The following CLOCK variants were observed in gnomAD, a reference collection of about 807,000 sequenced individuals.
CLOCK encodes clock circadian regulator.
In CLOCK, 43 loss-of-function variants were observed where a neutral mutation model predicts 118.4. That is an observed-to-expected ratio of 0.36 (90% CI 0.28 to 0.47). CLOCK has a LOEUF of 0.47. Ranked by LOEUF, CLOCK falls within the 20% of genes least tolerant of loss-of-function variation. CLOCK has a pLI of 1.00. For synonymous variants in CLOCK, 326 were observed against 339.2 expected (o/e 0.96, Z 0.43); for missense variants, 846 against 999.9 (o/e 0.85, Z 2.08).
At chr4:55,544,747 C>T (rs1731496822) in intron 1 of CLOCK, among the ~76,000 whole-genome samples, 1 of 152,150 alleles carries the variant, frequency 6.6e-6, no homozygotes, top group Non-Finnish European at 1.5e-5. Flanking sequence ...AACATGAAGA[C>T]ATACACATAA....
At chr4:55,454,249 G>A (rs779700619) in intron 13 of CLOCK, among the ~76,000 whole-genome samples, 20 of 152,156 alleles carry the variant, frequency 1.3e-4, no homozygotes, top group African/African-American at 4.8e-4. Flanking sequence ...TGAAGTAACT[G>A]AGTGCAGTAA....
At position 55,433,252 on chromosome 4, in the gene CLOCK, A is replaced by C. The variant is rs1722639754; in HGVS notation, c.*2163T>G. The C allele has an allele frequency of 6.6e-6, 1 of 152,632 alleles. No homozygotes were observed. The highest frequency in any genetic ancestry group is 1.5e-5 in the Non-Finnish European group (1 of 68,052). The allele number at this position is 152,632 out of a possible 1,614,324, so 9.5% of individuals were successfully genotyped here. The stretch of plus-strand genomic sequence containing the variant: ...TCTTGATATTCATGGGAATGTGGGA[A>C]ATCTCTACTGGATGGTCATTTAGCT... On this transcript the variant is annotated 3_prime_UTR_variant, in exon 23 of 23. Transcript: ENST00000513440.
intron 2 of CLOCK, among the ~76,000 whole-genome samples, chr4:55,498,974 G>T (rs1220374988): frequency 6.6e-6 from 1 of 152,228 alleles, no homozygotes; most frequent in South Asian, 2.1e-4. Context: ...CATTGTTACT[G>T]AGCCCATGCA....
chr4:55,453,068 T>C lies in CLOCK; in HGVS notation c.1192A>G (p.Thr398Ala), dbSNP rs112379702. The C allele has an allele frequency of 6.2e-7, 1 of 1,609,848 alleles. No individual in the cohort carries two copies. Among genetic ancestry groups the C allele is most frequent in the South Asian group, 1.1e-5 (1 of 90,266 alleles). ...ELGIEESLPE[T>A]AADKSQDSGS... ...AAGAAACATACTTTGTCAGCAGCTG[T>C]CTCAGGAAGAGACTCTTCAATGCCA... is the stretch of plus-strand genomic sequence containing the variant. The change falls in exon 15 of 23, where the codon ACA (threonine) becomes GCA (alanine). Residue 398 changes from threonine to alanine, a missense_variant. Transcript: ENST00000513440.
Position 55,438,395 on chromosome 4 carries a change from T to TCTGTG in CLOCK, c.2243_2247dup (p.Thr750HisfsTer6). On this transcript the variant is annotated frameshift_variant, in exon 22 of 23. Coordinates refer to ENST00000513440, the MANE Select transcript of CLOCK (RefSeq NM_004898.4). LOFTEE classifies it high-confidence loss of function. ...TGCTGCTGCTGCGTTACTGACAATG[T>TCTGTG]CTGTGACTGTTGCTGTTGTGTAGCA... 6.2e-7 allele frequency: 1 copy of TCTGTG among 1,613,944 alleles called. No homozygotes were observed. The highest frequency in any genetic ancestry group is 8.5e-7 in the Non-Finnish European group (1 of 1,180,010).
chr4:55,526,037 C>T (rs1402548904), intron 1 of CLOCK, among the ~76,000 whole-genome samples: 1 of 152,118 alleles, frequency 6.6e-6, no homozygotes, highest in East Asian at 1.9e-4. Context: ...AGGAGCATTT[C>T]AGATTTCAGA....
At chr4:55,479,335 CAA>C (rs1726754227) in intron 5 of CLOCK, among the ~76,000 whole-genome samples, 1 of 151,976 alleles carries the variant, frequency 6.6e-6, no homozygotes, top group Non-Finnish European at 1.5e-5. Flanking sequence ...AACCAGTAAA[CAA>C]ACAGCTATTG....
chr4:55,501,298 T>C (rs976652710), intron 2 of CLOCK, among the ~76,000 whole-genome samples: 6 of 145,046 alleles, frequency 4.1e-5, no homozygotes, highest in African/African-American at 1.5e-4. Context: ...TTCAGAATAA[T>C]AAATTGGTGT....
At chr4:55,467,460 T>C (rs1306299662) in intron 8 of CLOCK, among the ~76,000 whole-genome samples, 3 of 152,062 alleles carry the variant, frequency 2.0e-5, no homozygotes, top group Non-Finnish European at 4.4e-5. Context: ...AAGGTAACAG[T>C]AGAACAGAGA....
chr4:55,478,272 T>C (rs961766415), intron 6 of CLOCK, among the ~76,000 whole-genome samples: 3 of 152,158 alleles, frequency 2.0e-5, no homozygotes, highest in Non-Finnish European at 4.4e-5. Flanking sequence ...ATTTACTAGA[T>C]ATACATTGAA....
intron 8 of CLOCK, among the ~76,000 whole-genome samples, chr4:55,464,634 C>T (rs1437325380): frequency 1.3e-5 from 2 of 152,156 alleles, no homozygotes; most frequent in African/African-American, 4.8e-5. Flanking sequence ...AGAAGCAGGG[C>T]CCAGGGTCCT....
chr4:55,475,545 A>T (rs1726452982), intron 7 of CLOCK, among the ~76,000 whole-genome samples: 1 of 152,202 alleles, frequency 6.6e-6, no homozygotes, highest in African/African-American at 2.4e-5. Flanking sequence ...CTTGAAAGGA[A>T]GAGTGAATCA....
chr4:55,528,509 T>G (rs760075320), intron 1 of CLOCK, among the ~76,000 whole-genome samples: 4 of 152,146 alleles, frequency 2.6e-5, no homozygotes, highest in Non-Finnish European at 4.4e-5. Flanking sequence ...ATGCAGAAAG[T>G]CTGTGCAGAT....
chr4:55,543,086 T>TA (rs1731388872), intron 1 of CLOCK, among the ~76,000 whole-genome samples: 3 of 152,060 alleles, frequency 2.0e-5, no homozygotes, highest in Non-Finnish European at 4.4e-5. Context: ...CTAATTTTTT[T>TA]TAAAAAAATT....
At chr4:55,485,547 G>A (rs1390918884) in intron 3 of CLOCK, among the ~76,000 whole-genome samples, 1 of 152,166 alleles carries the variant, frequency 6.6e-6, no homozygotes, top group Non-Finnish European at 1.5e-5. Context: ...ATGCTGTGGA[G>A]TCTAAGGATA....
intron 1 of CLOCK, among the ~76,000 whole-genome samples, chr4:55,533,808 C>A (rs1349860672): frequency 6.6e-6 from 1 of 152,128 alleles, no homozygotes; most frequent in Non-Finnish European, 1.5e-5. Flanking sequence ...GAGGCTGAGG[C>A]AGGAGAACAG....
intron 8 of CLOCK, 48 bp from the exon 9 acceptor site, chr4:55,463,853 A>G (rs748733345): frequency 6.4e-7 from 1 of 1,560,752 alleles, no homozygotes; most frequent in Non-Finnish European, 8.7e-7. Context: ...GATTCAAGAG[A>G]CAATTGCTTT....
intron 8 of CLOCK, among the ~76,000 whole-genome samples, chr4:55,466,995 A>T (rs77383659): frequency 0.034 from 5,129 of 152,298 alleles, 104 homozygotes; most frequent in Non-Finnish European, 0.054. Context: ...ACAATTTTTT[A>T]AAATCTAGAA....
intron 2 of CLOCK, among the ~76,000 whole-genome samples, chr4:55,501,124 G>T (rs1043952522): frequency 6.6e-6 from 1 of 152,180 alleles, no homozygotes; most frequent in Non-Finnish European, 1.5e-5. Context: ...AAAGTGTTTG[G>T]ATTACAGGCA....
Sources: allele counts gnomAD v4.1 joint callset (sites outside exome capture counted in the v4.1 genomes callset), GRCh38; gene constraint gnomAD v4.1.1; transcripts MANE v1.5; gene names NCBI Gene and HGNC (gene_info 2026-07-23, HGNC 2026-07-21).